LRP1B: variants seen among roughly 807,000 people sequenced by gnomAD.
LRP1B encodes low-density lipoprotein receptor-related protein 1B.
A neutral mutation model predicts 556.6 loss-of-function variants in LRP1B; 217 were observed. The observed-to-expected ratio is 0.39, with a 90% CI of 0.35 to 0.44. LRP1B has a LOEUF of 0.44. Among genes scored for constraint, LRP1B ranks in the 20% least tolerant of loss-of-function variants. LRP1B has a pLI of 1.00. For synonymous variants in LRP1B, 2,047 were observed against 1,865.8 expected, an observed-to-expected ratio of 1.10 and a Z score of -2.50; for missense variants, 5,053 against 5,620.8, an observed-to-expected ratio of 0.90 and a Z score of 3.23.
In LRP1B at chr2:140,640,426, C is replaced by T. The variant is rs1330487833; in HGVS notation, c.6800-38787G>A. On this transcript the variant is annotated intron_variant, in intron 41 of 90. Transcript: ENST00000389484. ...TTTTTTTTTTTTTGAGATGGCGTCT[C>T]GCTCTGTCGCCCAGGCTGGAGTGCA... Among the ~76,000 whole-genome samples the T allele has an allele frequency of 1.2e-4, 9 of 72,668 alleles. No homozygotes were observed. In the South Asian group the frequency reaches 2.1e-3, roughly 17 times the overall value. The allele number at this position is 72,668 out of a possible 152,430, so 47.7% of individuals were successfully genotyped here. A position where few individuals can be genotyped will look rare whatever the true frequency, so the allele number is the denominator to read the frequency against.
intron 84 of LRP1B, among the ~76,000 whole-genome samples, chr2:140,285,431 T>C (rs1056348649): frequency 2.0e-5 from 3 of 150,996 alleles, no homozygotes; most frequent in Non-Finnish European, 4.4e-5. Flanking sequence ...ACTGGTGTGA[T>C]AGCAAGAAGA....
At chr2:140,544,668 A>G (rs6724043) in intron 43 of LRP1B, among the ~76,000 whole-genome samples, 74,797 of 151,888 alleles carry the variant, frequency 0.49, 18,725 homozygotes, top group South Asian at 0.59. Flanking sequence ...ATTTTTTATG[A>G]TTGCATGGTA....
Position 140,923,355 on chromosome 2 carries a change from C to T in LRP1B, c.3137-208G>A, listed in dbSNP as rs16844964. ...ATTCATTTAAATAACATTAATAGTC[C>T]GATAAAATGATGTTTCTTGCCTCCC... On this transcript the variant is annotated intron_variant, in intron 20 of 90. Coordinates refer to ENST00000389484, the MANE Select transcript of LRP1B (RefSeq NM_018557.3). Among the ~76,000 whole-genome samples, 412 of 151,708 alleles carry T rather than the reference C, an allele frequency of 2.7e-3. 1 individual carries two copies. The highest frequency in any genetic ancestry group is 9.6e-3 in the African/African-American group (398 of 41,378).
chr2:140,961,493 CCACA>C (rs1696033123), intron 18 of LRP1B, among the ~76,000 whole-genome samples: 1 of 151,964 alleles, frequency 6.6e-6, no homozygotes, highest in Admixed American at 6.6e-5. Context: ...ATATATTCTT[CCACA>C]CACAAATATT....
intron 41 of LRP1B, among the ~76,000 whole-genome samples, chr2:140,699,193 AT>A (rs1686543037): frequency 6.6e-6 from 1 of 152,074 alleles, no homozygotes; most frequent in African/African-American, 2.4e-5. Context: ...TTAAAAAACG[AT>A]TAAATAAACT....
At chr2:142,029,920 C>A (rs1457235756) in intron 1 of LRP1B, among the ~76,000 whole-genome samples, 1 of 151,564 alleles carries the variant, frequency 6.6e-6, no homozygotes, top group Non-Finnish European at 1.5e-5. Flanking sequence ...TTAGAGCTTG[C>A]AATAAATATC....
chr2:141,673,532 C>A (rs1484034102), intron 2 of LRP1B, among the ~76,000 whole-genome samples: 1 of 152,086 alleles, frequency 6.6e-6, no homozygotes, highest in Non-Finnish European at 1.5e-5. Context: ...CATCAAGTTT[C>A]TCTTAAAATG....
intron 1 of LRP1B, among the ~76,000 whole-genome samples, chr2:142,057,469 A>G (rs1704719481): frequency 6.6e-6 from 1 of 152,156 alleles, no homozygotes; most frequent in African/African-American, 2.4e-5. Context: ...TTACATCTGT[A>G]TCAAAGTCTA....
intron 2 of LRP1B, among the ~76,000 whole-genome samples, chr2:141,785,892 G>T (rs1695417393): frequency 1.3e-5 from 2 of 151,692 alleles, no homozygotes; most frequent in African/African-American, 4.8e-5. Context: ...AGAAAGAACA[G>T]AATTTTGAGG....
intron 37 of LRP1B, among the ~76,000 whole-genome samples, chr2:140,711,803 T>C (rs1490155760): frequency 6.6e-6 from 1 of 152,150 alleles, no homozygotes; most frequent in African/African-American, 2.4e-5. Context: ...CAATTTAACC[T>C]CTAAAATACA....
At chr2:141,884,329 C>G (rs1025056744) in intron 1 of LRP1B, among the ~76,000 whole-genome samples, 1 of 152,020 alleles carries the variant, frequency 6.6e-6, no homozygotes, top group South Asian at 2.1e-4. Context: ...GAGCCTTGAT[C>G]GTACCACTGC....
rs755807737 is a variant in LRP1B at position 140,323,991 on chromosome 2, C to T, written c.12416G>A (p.Arg4139Gln). ...YGAGPKNGVF[R>Q]VQKFGHGSVE... is the part of the protein sequence containing the mutation. ...TGAACCATGGCCAAATTTTTGAACT[C>T]GAAATACACCATTTTTAGGTCCTGC... is the stretch of plus-strand genomic sequence containing the variant. Residue 4139 changes from arginine to glutamine, a missense_variant, in exon 81 of 91, where the codon CGA (arginine) becomes CAA (glutamine). Transcript: ENST00000389484. 9 of 1,608,774 alleles carry T rather than the reference C, an allele frequency of 5.6e-6. No individual in the cohort carries two copies. The highest frequency in any genetic ancestry group is 1.1e-5 in the South Asian group (1 of 90,962).
intron 1 of LRP1B, among the ~76,000 whole-genome samples, chr2:141,943,622 C>T (rs1700877516): frequency 6.6e-6 from 1 of 152,110 alleles, no homozygotes; most frequent in Admixed American, 6.5e-5. Context: ...ATTAAACCTC[C>T]ATAATGTTGA....
At chr2:142,111,328 C>T (rs1706982187) in intron 1 of LRP1B, among the ~76,000 whole-genome samples, 1 of 151,950 alleles carries the variant, frequency 6.6e-6, no homozygotes, top group Non-Finnish European at 1.5e-5. Context: ...AGTGATAAAG[C>T]CTGCATTTGA....
chr2:140,572,791 C>A (rs1681372664), intron 43 of LRP1B, among the ~76,000 whole-genome samples: 1 of 31,296 alleles, frequency 3.2e-5, no homozygotes, highest in South Asian at 1.3e-3. Flanking sequence ...AGATACTATT[C>A]AGCCATAAAA....
chr2:141,645,300 A>C (rs1012164841), intron 2 of LRP1B, among the ~76,000 whole-genome samples: 3 of 152,074 alleles, frequency 2.0e-5, no homozygotes, highest in Admixed American at 1.3e-4. Flanking sequence ...AAAGTCCCCC[A>C]AACTTTTTGA....
chr2:141,917,235 A>G (rs990499676), intron 1 of LRP1B, among the ~76,000 whole-genome samples: 8 of 152,206 alleles, frequency 5.3e-5, no homozygotes, highest in African/African-American at 1.9e-4. Flanking sequence ...CACAAGAGAA[A>G]TAGGGTAAAG....
At chr2:140,770,088 A>G (rs1340217130) in intron 34 of LRP1B, among the ~76,000 whole-genome samples, 3 of 151,828 alleles carry the variant, frequency 2.0e-5, no homozygotes, top group Admixed American at 6.6e-5. Flanking sequence ...ACTATTTCCT[A>G]TCCATGTAAC....
At chr2:140,707,621 A>C (rs1421691000) in intron 37 of LRP1B, among the ~76,000 whole-genome samples, 1 of 152,134 alleles carries the variant, frequency 6.6e-6, no homozygotes, top group African/African-American at 2.4e-5. Context: ...ATAATATTAT[A>C]AAAGTTTGAA....
Sources: gnomAD v4.1 joint callset for allele counts (sites outside exome capture counted in the v4.1 genomes callset) on GRCh38, gnomAD v4.1.1 for gene constraint, MANE v1.5 for transcripts, NCBI Gene and HGNC (gene_info 2026-07-23, HGNC 2026-07-21) for gene names.